Variants in SPAG6 observed in about 807,000 individuals in gnomAD.
SPAG6 encodes the protein sperm-associated antigen 6.
SPAG6 carries 49 observed loss-of-function variants against 58.5 expected under a neutral mutation model. The observed-to-expected ratio is 0.84, with a 90% CI of 0.67 to 1.06. The LOEUF (loss-of-function observed/expected upper bound fraction) is 1.06. Among genes scored for constraint, SPAG6 ranks in the 50% least tolerant of loss-of-function variants. SPAG6 has a pLI of 0.00. For missense variants in SPAG6, 560 were observed against 611.3 expected, an observed-to-expected ratio of 0.92 and a Z score of 0.89; for synonymous variants, 233 against 225.6, an observed-to-expected ratio of 1.03 and a Z score of -0.29.
rs74123027 is a variant in SPAG6 at position 22,416,580 on chromosome 10, T to G, written c.1461-39T>G. 222 of 1,260,992 alleles carry G rather than the reference T, an allele frequency of 1.8e-4. No individual in the cohort carries two copies. The African/African-American group carries it at 3.0e-3, about 17-fold the overall frequency. The allele number at this position is 1,260,992 out of a possible 1,614,324, so 78.1% of individuals were successfully genotyped here. A position where few individuals can be genotyped will look rare whatever the true frequency, so the allele number is the denominator to read the frequency against. On this transcript the variant is annotated intron_variant, in intron 10 of 10. Coordinates refer to ENST00000376624, the MANE Select transcript of SPAG6 (RefSeq NM_012443.4). The stretch of plus-strand genomic sequence containing the variant: ...GAATCTTATGTGCCTGCTGTGTTGA[T>G]CGTTTCACCAGCATTTAATAGTGTA...
At chr10:22,349,500 C>A (rs926441463) in intron 2 of SPAG6, among the ~76,000 whole-genome samples, 2 of 152,052 alleles carry the variant, frequency 1.3e-5, no homozygotes, top group African/African-American at 4.8e-5. Flanking sequence ...ATATAAGAAA[C>A]ATGTTTTGTG....
intron 10 of SPAG6, chr10:22,412,642 C>T: frequency 1.9e-6 from 1 of 513,438 alleles, no homozygotes; most frequent in Non-Finnish European, 3.3e-6. Flanking sequence ...GCGATCTTGG[C>T]TCAACTGCCA....
chr10:22,352,907 C>G (rs944902506), intron 2 of SPAG6, among the ~76,000 whole-genome samples: 1 of 152,262 alleles, frequency 6.6e-6, no homozygotes, highest in East Asian at 1.9e-4. Context: ...ATTTTTATTT[C>G]ACAAAGTGTT....
At chr10:22,382,492 A>T (rs1833978992) in intron 4 of SPAG6, among the ~76,000 whole-genome samples, 2 of 152,186 alleles carry the variant, frequency 1.3e-5, no homozygotes, top group South Asian at 4.1e-4. Flanking sequence ...AAGGGTCTGA[A>T]TTAAGGCAGC....
At chr10:22,354,327 G>T (rs576778379) in intron 2 of SPAG6, among the ~76,000 whole-genome samples, 1 of 152,292 alleles carries the variant, frequency 6.6e-6, no homozygotes, top group African/African-American at 2.4e-5. Context: ...ATGACTTCAA[G>T]ATGCCTCCTG....
chr10:22,400,621 T>A (rs1177677784), intron 8 of SPAG6, among the ~76,000 whole-genome samples: 1 of 151,886 alleles, frequency 6.6e-6, no homozygotes, highest in Non-Finnish European at 1.5e-5. Flanking sequence ...CTTCTGTGAA[T>A]GGGGAAATGT....
intron 8 of SPAG6, among the ~76,000 whole-genome samples, chr10:22,396,942 A>G (rs986530284): frequency 1.3e-5 from 2 of 152,214 alleles, no homozygotes; most frequent in Admixed American, 6.5e-5. Flanking sequence ...ACTAAATGCA[A>G]TGACAATTAG....
intron 8 of SPAG6, among the ~76,000 whole-genome samples, chr10:22,393,043 A>G (rs1348127907): frequency 6.6e-6 from 1 of 152,130 alleles, no homozygotes; most frequent in Non-Finnish European, 1.5e-5. Context: ...AAAGAGAGAA[A>G]GATTAACAAT....
intron 4 of SPAG6, among the ~76,000 whole-genome samples, chr10:22,383,774 T>G (rs964162244): frequency 6.6e-6 from 1 of 152,242 alleles, no homozygotes; most frequent in African/African-American, 2.4e-5. Flanking sequence ...CTGGCTCTGC[T>G]CTGTACTTGT....
At chr10:22,413,504 G>T (rs2130652005) in intron 10 of SPAG6, among the ~76,000 whole-genome samples, 1 of 151,876 alleles carries the variant, frequency 6.6e-6, no homozygotes, top group African/African-American at 2.4e-5. Context: ...CTGCACTCCG[G>T]CCTGGGTGAC....
chr10:22,374,159 C>T (rs993997788), intron 4 of SPAG6, among the ~76,000 whole-genome samples: 1 of 152,080 alleles, frequency 6.6e-6, no homozygotes, highest in Non-Finnish European at 1.5e-5. Context: ...TATATAAGCT[C>T]AGATTCCTAA....
At chr10:22,382,882 G>GA (rs1833985775) in intron 4 of SPAG6, among the ~76,000 whole-genome samples, 3 of 152,074 alleles carry the variant, frequency 2.0e-5, no homozygotes, top group African/African-American at 4.8e-5. Context: ...GGCAAACAGA[G>GA]AAAAAAGATA....
chr10:22,363,446 T>C (rs542420845), intron 2 of SPAG6, among the ~76,000 whole-genome samples: 1 of 152,346 alleles, frequency 6.6e-6, no homozygotes, highest in East Asian at 1.9e-4. Flanking sequence ...GCAGGGGCTC[T>C]GTGTGCCTGC....
chr10:22,363,777 A>G (rs1200900805), intron 2 of SPAG6, among the ~76,000 whole-genome samples: 1 of 152,228 alleles, frequency 6.6e-6, no homozygotes, highest in Admixed American at 6.5e-5. Flanking sequence ...CTATAAAAGA[A>G]TACTGGTAAT....
At chr10:22,400,750 T>C (rs1265477679) in intron 8 of SPAG6, among the ~76,000 whole-genome samples, 1 of 152,076 alleles carries the variant, frequency 6.6e-6, no homozygotes, top group Admixed American at 6.5e-5. Flanking sequence ...TGCCTGATAA[T>C]GACATTCTTC....
chr10:22,401,875 G>A (rs1834422612), intron 9 of SPAG6, among the ~76,000 whole-genome samples: 1 of 152,192 alleles, frequency 6.6e-6, no homozygotes, highest in Admixed American at 6.5e-5. Flanking sequence ...AAAAGAGAAT[G>A]ACTCTGTTAC....
chr10:22,357,785 C>T (rs1476874494), intron 2 of SPAG6, among the ~76,000 whole-genome samples: 1 of 134,608 alleles, frequency 7.4e-6, no homozygotes, highest in Non-Finnish European at 1.5e-5. Context: ...CTTCCTGTGT[C>T]CATGTGTTCT....
intron 2 of SPAG6, among the ~76,000 whole-genome samples, chr10:22,353,029 T>C (rs1392563559): frequency 6.6e-6 from 1 of 152,196 alleles, no homozygotes; most frequent in Non-Finnish European, 1.5e-5. Flanking sequence ...TCCCACTACA[T>C]AGGGGAGGTG....
rs1274370115 is a variant in SPAG6, at chr10:22,411,091, G to A, written c.1375G>A (p.Val459Ile). 1.2e-6 allele frequency: 2 copies of A among 1,613,838 alleles called. No homozygotes were observed. Among genetic ancestry groups the A allele is most frequent in the African/African-American group, 2.7e-5 (2 of 74,912 alleles). The change falls in exon 10 of 11, where the codon GTT (valine) becomes ATT (isoleucine). Residue 459 changes from valine to isoleucine, a missense_variant. Transcript: ENST00000376624. ...LFVTSGGLKK[V>I]QEIKAEPGSL... ...TGTAACAAGTGGTGGCCTTAAAAAA[G>A]TTCAAGAGATAAAAGCAGAACCTGG... is the stretch of plus-strand genomic sequence containing the variant.
Sources: allele counts gnomAD v4.1 joint callset (sites outside exome capture counted in the v4.1 genomes callset), GRCh38; gene constraint gnomAD v4.1.1; transcripts MANE v1.5; gene names NCBI Gene and HGNC (gene_info 2026-07-23, HGNC 2026-07-21).